SLC8A1: variants seen among roughly 807,000 people sequenced by gnomAD.
SLC8A1 encodes the protein sodium/calcium exchanger 1.
In SLC8A1, 18 loss-of-function variants were observed where a neutral mutation model predicts 68.3. The observed-to-expected ratio is 0.26, with a 90% CI of 0.18 to 0.39. SLC8A1 has a LOEUF of 0.39. Ranked by LOEUF, SLC8A1 falls within the 10% of genes least tolerant of loss-of-function variation. The pLI, the probability that SLC8A1 is intolerant of heterozygous loss-of-function variation, is 1.00. For synonymous variants in SLC8A1, 475 were observed against 415.5 expected (o/e 1.14, Z -1.74); for missense variants, 985 against 1,156.7 (o/e 0.85, Z 2.15).
intron 2 of SLC8A1, among the ~76,000 whole-genome samples, chr2:40,305,955 G>A (rs1279271716): frequency 6.6e-6 from 1 of 152,186 alleles, no homozygotes; most frequent in African/African-American, 2.4e-5. Flanking sequence ...ATGAATTCAA[G>A]CAGGATGGTG....
In SLC8A1 at chr2:40,482,954, C is replaced by CTT. The variant is rs76752710; in HGVS notation, c.-25+29393_-25+29394dup. ...TACAGGCGCCCGCCACCACGCCCGG[C>CTT]TTTTTTTTTTTTTTTTCTTTTTTGC... On this transcript the variant is annotated intron_variant, in intron 1 of 7. Coordinates refer to the SLC8A1 transcript ENST00000402441. 8.7e-5 allele frequency among the ~76,000 whole-genome samples: 12 copies of CTT among 137,820 alleles called. No homozygotes were observed. The East Asian group carries it at 1.1e-3, about 12-fold the overall frequency. The allele number at this position is 137,820 out of a possible 152,430, so 90.4% of individuals were successfully genotyped here. A position where few individuals can be genotyped will look rare whatever the true frequency, so the allele number is the denominator to read the frequency against.
At chr2:40,287,582 A>ATGTGTGTGTGTGTGTGTGTGTG (rs10522914) in intron 2 of SLC8A1, among the ~76,000 whole-genome samples, 5,450 of 127,322 alleles carry the variant, frequency 0.043, 290 homozygotes, top group South Asian at 0.054. Context: ...CAGAGGAATG[A>ATGTGTGTGTGTGTGTGTGTGTG]TGTGTGTGTG....
chr2:40,123,870 C>G (rs1159097257), intron 7 of SLC8A1, among the ~76,000 whole-genome samples: 1 of 152,184 alleles, frequency 6.6e-6, no homozygotes, highest in East Asian at 1.9e-4. Context: ...ATAACTGAAA[C>G]TAACTTCCTG....
At chr2:40,506,034 G>A (rs1336920002) in intron 1 of SLC8A1, among the ~76,000 whole-genome samples, 2 of 151,292 alleles carry the variant, frequency 1.3e-5, no homozygotes, top group Non-Finnish European at 1.5e-5. Context: ...ATTTCTCAGA[G>A]CTAGTCATGT....
chr2:40,329,613 T>C (rs970404947), intron 2 of SLC8A1, among the ~76,000 whole-genome samples: 1 of 152,216 alleles, frequency 6.6e-6, no homozygotes, highest in African/African-American at 2.4e-5. Flanking sequence ...CTATGACGTA[T>C]CTTCAAAACC....
intron 2 of SLC8A1, among the ~76,000 whole-genome samples, chr2:40,252,365 C>G (rs893696447): frequency 6.6e-6 from 1 of 152,076 alleles, no homozygotes; most frequent in Admixed American, 6.5e-5. Context: ...TGGAGTCTTG[C>G]TCTGTCACCC....
intron 2 of SLC8A1, among the ~76,000 whole-genome samples, chr2:40,372,796 T>C (rs1259305272): frequency 6.6e-6 from 1 of 152,088 alleles, no homozygotes; most frequent in East Asian, 1.9e-4. Context: ...CCACGGTATT[T>C]TGTTGTTTGA....
At chr2:40,324,034 G>A (rs960430769) in intron 2 of SLC8A1, among the ~76,000 whole-genome samples, 16 of 151,648 alleles carry the variant, frequency 1.1e-4, no homozygotes, top group Non-Finnish European at 1.9e-4. Flanking sequence ...AAGGTGGGGG[G>A]GGGGCTGTTA....
chr2:40,386,996 T>A (rs1044217984), intron 2 of SLC8A1, among the ~76,000 whole-genome samples: 2 of 151,434 alleles, frequency 1.3e-5, no homozygotes, highest in South Asian at 4.1e-4. Context: ...AACTAGAATA[T>A]CTTAAGTAAC....
intron 2 of SLC8A1, among the ~76,000 whole-genome samples, chr2:40,318,448 C>T (rs545854174): frequency 6.6e-6 from 1 of 151,778 alleles, no homozygotes; most frequent in African/African-American, 2.4e-5. Context: ...ACTAATGATC[C>T]TACAATTCTA....
In SLC8A1 at chr2:40,272,613, C is replaced by A. The variant is rs1458856113; in HGVS notation, c.1809-94758G>T. Among the ~76,000 whole-genome samples the A allele has an allele frequency of 2.0e-5, 3 of 152,324 alleles. No individual in the cohort carries two copies. In the South Asian group the frequency reaches 6.2e-4, roughly 32 times the overall value. ...AGCCTGCCTTATCTGTTGAGAAGCT[C>A]GCATGAGCTCACCACTAACCAAGTC... On this transcript the variant is annotated intron_variant, in intron 2 of 7. Transcript: ENST00000406785.
intron 2 of SLC8A1, among the ~76,000 whole-genome samples, chr2:40,378,071 T>C (rs79598314): frequency 0.023 from 3,449 of 152,252 alleles, 53 homozygotes; most frequent in South Asian, 0.061. Flanking sequence ...TGCGTTGTTC[T>C]AGGAGCTGGT....
At chr2:40,101,490 G>T (rs992779719) in exon 8 of SLC8A1, 1 of 150,072 alleles carries the variant, frequency 6.7e-6, no homozygotes, top group African/African-American at 2.4e-5. Flanking sequence ...AAGTAGATCA[G>T]CTGTGGGGTT....
At chr2:40,268,565 T>C (rs1356255575) in intron 2 of SLC8A1, among the ~76,000 whole-genome samples, 2 of 152,216 alleles carry the variant, frequency 1.3e-5, no homozygotes, top group African/African-American at 4.8e-5. Flanking sequence ...TAATTCTCTA[T>C]ATTCCACGCT....
chr2:40,485,329 T>G (rs1432513685), intron 1 of SLC8A1, among the ~76,000 whole-genome samples: 1 of 152,202 alleles, frequency 6.6e-6, no homozygotes, highest in East Asian at 1.9e-4. Flanking sequence ...CAACAACATT[T>G]TCCTACTTAT....
rs901446398 is a variant in SLC8A1 at position 40,386,270 on chromosome 2, T to C, written c.1808+42203A>G. 2.4e-4 allele frequency among the ~76,000 whole-genome samples: 37 copies of C among 151,322 alleles called. 2 individuals are homozygous for C. Among genetic ancestry groups the C allele is most frequent in the African/African-American group, 8.1e-4 (33 of 40,710 alleles). On this transcript the variant is annotated intron_variant, in intron 2 of 7. Transcript: ENST00000406785. ...TAATTTATATTATTTTATTTTAGTT[T>C]AGATATTTTCCAGAATTTTATAATG... is the stretch of plus-strand genomic sequence containing the variant.
intron 2 of SLC8A1, among the ~76,000 whole-genome samples, chr2:40,252,002 T>TTATATAACCATATATGCA (rs1166512294): frequency 5.9e-5 from 9 of 152,190 alleles, no homozygotes; most frequent in Admixed American, 5.9e-4. Flanking sequence ...AAGTTTGTTT[T>TTATATAACCATATATGCA]TATATAACCA....
chr2:40,279,929 A>C (rs562919968), intron 2 of SLC8A1, among the ~76,000 whole-genome samples: 6 of 152,206 alleles, frequency 3.9e-5, no homozygotes, highest in Non-Finnish European at 8.8e-5. Flanking sequence ...ACTTTTAAAA[A>C]TTGTTCCCTG....
chr2:40,352,424 T>G (rs189079422), intron 2 of SLC8A1, among the ~76,000 whole-genome samples: 40 of 152,314 alleles, frequency 2.6e-4, no homozygotes, highest in Middle Eastern at 3.4e-3. Flanking sequence ...TATTGGGAAA[T>G]GGATGTTCTA....
Sources: gnomAD v4.1 joint callset for allele counts (sites outside exome capture counted in the v4.1 genomes callset) on GRCh38, gnomAD v4.1.1 for gene constraint, MANE v1.5 for transcripts, NCBI Gene and HGNC (gene_info 2026-07-23, HGNC 2026-07-21) for gene names.